Variants in COMMD10 observed in about 807,000 individuals in gnomAD.
The protein encoded by COMMD10 is COMM domain-containing protein 10.
Under a neutral mutation model 28.9 loss-of-function variants are expected in COMMD10, and 33 were observed. The observed-to-expected ratio is 1.14, with a 90% CI of 0.87 to 1.53. The LOEUF (loss-of-function observed/expected upper bound fraction) is 1.53. Among genes scored for constraint, COMMD10 ranks in the 40% most tolerant of loss-of-function variants. The pLI is 0.00. For missense variants in COMMD10, 310 were observed against 233.4 expected, an observed-to-expected ratio of 1.33 and a Z score of -2.14; for synonymous variants, 110 against 81.7, an observed-to-expected ratio of 1.35 and a Z score of -1.87.
At chr5:116,237,707 G>T (rs1246958047) in intron 5 of COMMD10, among the ~76,000 whole-genome samples, 1 of 152,076 alleles carries the variant, frequency 6.6e-6, no homozygotes, top group Non-Finnish European at 1.5e-5. Flanking sequence ...ACATGAGCAG[G>T]TATTATCTTT....
intron 5 of COMMD10, among the ~76,000 whole-genome samples, chr5:116,255,321 G>T (rs1223570512): frequency 2.0e-5 from 3 of 151,612 alleles, no homozygotes; most frequent in Non-Finnish European, 4.4e-5. Context: ...AGTGTTATGT[G>T]TGAATTTGAT....
intron 5 of COMMD10, among the ~76,000 whole-genome samples, chr5:116,172,377 T>A (rs949180868): frequency 2.6e-5 from 4 of 152,144 alleles, no homozygotes; most frequent in Non-Finnish European, 5.9e-5. Flanking sequence ...AATACTATGA[T>A]GATACTAATT....
chr5:116,173,725 G>C (rs1753410637), intron 5 of COMMD10, among the ~76,000 whole-genome samples: 2 of 152,036 alleles, frequency 1.3e-5, no homozygotes, highest in Non-Finnish European at 1.5e-5. Context: ...TAGATGCGTT[G>C]TAGAGATACA....
At chr5:116,254,765 G>A (rs555874402) in intron 5 of COMMD10, among the ~76,000 whole-genome samples, 1 of 151,864 alleles carries the variant, frequency 6.6e-6, no homozygotes, top group African/African-American at 2.4e-5. Context: ...TGACAAAAAT[G>A]TATATTCTGT....
chr5:116,290,479 C>T (rs1189699690), intron 5 of COMMD10, among the ~76,000 whole-genome samples: 1 of 151,788 alleles, frequency 6.6e-6, no homozygotes, highest in Non-Finnish European at 1.5e-5. Flanking sequence ...CCCATTGACT[C>T]TTCTGGAATT....
chr5:116,224,187 G>T (rs549168513), intron 5 of COMMD10, among the ~76,000 whole-genome samples: 1 of 152,184 alleles, frequency 6.6e-6, no homozygotes, highest in East Asian at 1.9e-4. Flanking sequence ...TTTTCAATGA[G>T]AAATAGTTCA....
chr5:116,121,393 C>T (rs10478279), intron 4 of COMMD10, among the ~76,000 whole-genome samples: 13,433 of 152,138 alleles, frequency 0.088, 840 homozygotes, highest in Middle Eastern at 0.15. Flanking sequence ...GCTGGACATT[C>T]GGGTTGGTTC....
intron 5 of COMMD10, among the ~76,000 whole-genome samples, chr5:116,138,412 C>G (rs1412839459): frequency 6.6e-6 from 1 of 151,698 alleles, no homozygotes; most frequent in Non-Finnish European, 1.5e-5. Flanking sequence ...TTCTTTATTT[C>G]TAGAGAGTAA....
At chr5:116,232,114 G>A (rs965941742) in intron 5 of COMMD10, among the ~76,000 whole-genome samples, 1 of 152,096 alleles carries the variant, frequency 6.6e-6, no homozygotes, top group Non-Finnish European at 1.5e-5. Flanking sequence ...CAGGAACCCT[G>A]CTTCTGATGC....
At chr5:116,259,254 G>C (rs760128624) in intron 5 of COMMD10, among the ~76,000 whole-genome samples, 1 of 150,812 alleles carries the variant, frequency 6.6e-6, no homozygotes, top group Non-Finnish European at 1.5e-5. Context: ...GTACAGACAG[G>C]ATCTCACCAT....
At chr5:116,219,187 T>G (rs1432551371) in intron 5 of COMMD10, among the ~76,000 whole-genome samples, 1 of 152,062 alleles carries the variant, frequency 6.6e-6, no homozygotes, top group Non-Finnish European at 1.5e-5. Context: ...TGGAGGCTGT[T>G]GTTGAAAATC....
At chr5:116,218,957 C>A (rs761194203) in intron 5 of COMMD10, among the ~76,000 whole-genome samples, 1 of 152,090 alleles carries the variant, frequency 6.6e-6, no homozygotes, top group African/African-American at 2.4e-5. Flanking sequence ...GGAGATAGGG[C>A]CTTTAATGAT....
Position 116,292,845 on chromosome 5 carries a change from A to T in COMMD10, c.*356A>T, listed in dbSNP as rs1217069158. On this transcript the variant is annotated 3_prime_UTR_variant, in exon 7 of 7. Transcript: ENST00000274458. ...ATAATGTATCAAGGAGCGTCCATGG[A>T]TACAAGATAAGATGTGTACCTTAGT... is the stretch of plus-strand genomic sequence containing the variant. 7.6e-6 allele frequency: 3 copies of T among 395,144 alleles called. No individual in the cohort carries two copies. In the Admixed American group the frequency reaches 1.3e-4, roughly 17 times the overall value. 24.5% of individuals were successfully genotyped at this position (395,144 alleles called of 1,614,324 possible). A position where few individuals can be genotyped will look rare whatever the true frequency, so the allele number is the denominator to read the frequency against.
chr5:116,274,608 T>C (rs564162552), intron 5 of COMMD10, among the ~76,000 whole-genome samples: 4 of 151,834 alleles, frequency 2.6e-5, no homozygotes, highest in South Asian at 2.1e-4. Flanking sequence ...CAAAATACTT[T>C]TGCCAATATC....
intron 5 of COMMD10, among the ~76,000 whole-genome samples, chr5:116,146,756 A>T (rs1014729091): frequency 6.6e-6 from 1 of 151,854 alleles, no homozygotes; most frequent in Non-Finnish European, 1.5e-5. Context: ...AGGAAGTTAA[A>T]CTTATATGAA....
Position 116,118,359 on chromosome 5 carries a change from T to G in COMMD10, c.400-15709T>G, listed in dbSNP as rs1309821961. 2.6e-5 allele frequency among the ~76,000 whole-genome samples: 4 copies of G among 152,360 alleles called. No individual in the cohort carries two copies. In the East Asian group the frequency reaches 7.7e-4, roughly 29 times the overall value. ...TCAATGGCAATAATTTTTGTCTGTT[T>G]GTTTACTGCTGTTATTTTCACTACT... is the stretch of plus-strand genomic sequence containing the variant. On this transcript the variant is annotated intron_variant, in intron 4 of 6. Coordinates refer to ENST00000274458, the MANE Select transcript of COMMD10 (RefSeq NM_016144.4).
At chr5:116,104,392 G>A (rs1368541371) in intron 4 of COMMD10, among the ~76,000 whole-genome samples, 1 of 151,982 alleles carries the variant, frequency 6.6e-6, no homozygotes, top group Admixed American at 6.6e-5. Context: ...CCTAGGTATT[G>A]TATCCTTTTT....
chr5:116,159,026 A>T (rs530509310), intron 5 of COMMD10, among the ~76,000 whole-genome samples: 41 of 152,242 alleles, frequency 2.7e-4, no homozygotes, highest in African/African-American at 9.6e-4. Context: ...AATCATTTAC[A>T]TTTGACATGA....
chr5:116,251,416 A>G (rs942014260), intron 5 of COMMD10, among the ~76,000 whole-genome samples: 12 of 141,990 alleles, frequency 8.5e-5, no homozygotes, highest in South Asian at 2.4e-4. Context: ...AGCATTAGGT[A>G]TATCTCCCAA....
Sources: gnomAD v4.1 joint callset for allele counts (sites outside exome capture counted in the v4.1 genomes callset) on GRCh38, gnomAD v4.1.1 for gene constraint, MANE v1.5 for transcripts, NCBI Gene and HGNC (gene_info 2026-07-23, HGNC 2026-07-21) for gene names.